Variants in IQCE observed in about 807,000 individuals in gnomAD.
The protein encoded by IQCE is IQ motif containing E.
A neutral mutation model predicts 96.0 loss-of-function variants in IQCE; 115 were observed. The ratio of observed to expected loss-of-function variants is 1.20; its 90% CI spans 1.03 to 1.40. IQCE has a LOEUF of 1.40. Among genes scored for constraint, IQCE ranks in the 40% most tolerant of loss-of-function variants. The pLI is 0.00. For synonymous variants in IQCE, 412 were observed against 371.2 expected, an observed-to-expected ratio of 1.11 and a Z score of -1.26; for missense variants, 1,041 against 909.1, an observed-to-expected ratio of 1.15 and a Z score of -1.87.
chr7:2,606,986 G>A (rs745725723), intron 20 of IQCE, 138 bp from the exon 21 acceptor site: 21 of 744,034 alleles, frequency 2.8e-5, no homozygotes, highest in African/African-American at 1.8e-4. Context: ...AGCGCTGGTC[G>A]TGGGGCTCGG....
At chr7:2,600,338 CCT>C (rs1784350653) in intron 17 of IQCE, among the ~76,000 whole-genome samples, 5 of 152,210 alleles carry the variant, frequency 3.3e-5, no homozygotes, top group Admixed American at 2.0e-4. Flanking sequence ...CAGGCCGGCC[CCT>C]GTTTGTGTTT....
rs2293407 is a variant in IQCE, at chr7:2,605,918, A to G, written c.1786A>G (p.Thr596Ala). The G allele has an allele frequency of 0.32, 507,116 of 1,607,206 alleles. 83,438 individuals carry two copies. Among genetic ancestry groups the G allele is most frequent in the East Asian group, 0.54 (24,024 of 44,296 alleles). ...PRVPSPIAQA[T>A]GSPVQEEAIV... ...CGTTCCGAGCCCCATCGCCCAGGCC[A>G]CGGGCAGCCCTGTGCAGGAGGAGGC... is the stretch of plus-strand genomic sequence containing the variant. Residue 596 changes from threonine to alanine, a missense_variant, in exon 20 of 22, where the codon ACG becomes GCG. Transcript: ENST00000402050.
chr7:2,578,592 G>C (rs1052323734), intron 8 of IQCE, 66 bp downstream of exon 8: 6 of 1,559,396 alleles, frequency 3.8e-6, no homozygotes, highest in Non-Finnish European at 5.3e-6. Context: ...AGCCACAGAG[G>C]GACGCCTTTC....
At chr7:2,590,205 G>C in intron 14 of IQCE, 99 bp downstream of exon 14, 1 of 1,017,574 alleles carries the variant, frequency 9.8e-7, no homozygotes, top group Non-Finnish European at 1.4e-6. Flanking sequence ...ACAGGCACAG[G>C]TGCTGCAGAG....
Position 2,578,253 on chromosome 7 carries a change from G to A in IQCE, c.477G>A (p.Val159=). 2 of 1,612,866 alleles carry A rather than the reference G, an allele frequency of 1.2e-6. No individual in the cohort carries two copies. Among genetic ancestry groups the A allele is most frequent in the Admixed American group, 1.7e-5 (1 of 60,014 alleles). Residue 159 remains valine (V), a synonymous_variant, in exon 7 of 22, where the codon GTG becomes GTA. Coordinates refer to ENST00000402050, the MANE Select transcript of IQCE (RefSeq NM_152558.5). ...EIIELKKSLH[V]QKSDVDLMRT... is the part of the protein sequence containing the mutation. ...CTTGTTTTCTTCAGTCATTGCACGT[G>A]CAGAAGAGCGACGTGGACCTGATGA...
intron 12 of IQCE, among the ~76,000 whole-genome samples, chr7:2,586,592 A>G (rs1783136860): frequency 2.0e-5 from 3 of 152,338 alleles, no homozygotes; most frequent in African/African-American, 2.4e-5. Context: ...GGAGGAGACA[A>G]TGCTGTGGGA....
intron 8 of IQCE, among the ~76,000 whole-genome samples, chr7:2,580,580 C>T (rs866917698): frequency 5.3e-5 from 8 of 152,162 alleles, no homozygotes; most frequent in Middle Eastern, 3.4e-3. Flanking sequence ...CCACTGCACT[C>T]CAGCCTGGGC....
At chr7:2,589,373 A>G (rs1362526000) in intron 13 of IQCE, among the ~76,000 whole-genome samples, 4 of 152,136 alleles carry the variant, frequency 2.6e-5, no homozygotes, top group Non-Finnish European at 5.9e-5. Context: ...AAAAAAGAAG[A>G]AAAGGTTCTA....
At chr7:2,606,023 GAC>G in intron 20 of IQCE, 26 bp downstream of exon 20, 3 of 1,593,042 alleles carry the variant, frequency 1.9e-6, no homozygotes, top group Non-Finnish European at 1.7e-6. Context: ...GGGGACGTGG[GAC>G]ACAGACATGG....
chr7:2,607,245 G>A lies in IQCE; in HGVS notation c.1969+18G>A. ...TCTTCCTGGTAATTTCATTCATTTG[G>A]ATTCTGGCACCAGGGCAGCTGGTCT... On this transcript the variant is annotated intron_variant, in intron 21 of 21. Coordinates refer to ENST00000402050, the MANE Select transcript of IQCE (RefSeq NM_152558.5). 6.2e-7 allele frequency: 1 copy of A among 1,613,582 alleles called. No homozygotes were observed.
intron 16 of IQCE, among the ~76,000 whole-genome samples, 186 bp downstream of exon 16, chr7:2,595,162 A>T (rs1026737540): frequency 6.6e-6 from 1 of 152,172 alleles, no homozygotes; most frequent in Non-Finnish European, 1.5e-5. Context: ...GGATTAATTG[A>T]CTGTCAGCAA....
rs1196208387 is a variant in IQCE, at chr7:2,614,419, C to T, written c.*4257C>T. 2 of 152,224 alleles carry T rather than the reference C, an allele frequency of 1.3e-5. No individual in the cohort carries two copies. Among genetic ancestry groups the T allele is most frequent in the African/African-American group, 2.4e-5 (1 of 41,458 alleles). The allele number at this position is 152,224 out of a possible 1,614,324, so 9.4% of individuals were successfully genotyped here. ...CAGCTATTTCTCAAGGCTCCCACCT[C>T]GCCAAGCTCCCAAGGGCCTGCTGGC... is the stretch of plus-strand genomic sequence containing the variant. On this transcript the variant is annotated 3_prime_UTR_variant, in exon 22 of 22. Transcript: ENST00000402050.
intron 8 of IQCE, among the ~76,000 whole-genome samples, chr7:2,580,462 AT>A: frequency 6.6e-6 from 1 of 152,186 alleles, no homozygotes; most frequent in African/African-American, 2.4e-5. Flanking sequence ...ATACAAAAAA[AT>A]TAGCCAGGTA....
intron 16 of IQCE, chr7:2,597,216 C>G: frequency 2.2e-6 from 1 of 444,516 alleles, no homozygotes; most frequent in South Asian, 1.6e-5. Context: ...TGGTCTTCAG[C>G]TGTCCCGCAC....
At position 2,605,875 on chromosome 7, in the gene IQCE, G is replaced by T; in HGVS notation, c.1744-1G>T. The T allele has an allele frequency of 2.5e-6, 4 of 1,594,884 alleles. No individual in the cohort carries two copies. Among genetic ancestry groups the T allele is most frequent in the Non-Finnish European group, 3.4e-6 (4 of 1,171,932 alleles). ...TCTTCCCTGCTGTCCTTGCACCCCA[G>T]AGCTCTCCTGTGCCCCGCGTTCCGA... On this transcript the variant is annotated splice_acceptor_variant, in intron 19 of 21. Coordinates refer to ENST00000402050, the MANE Select transcript of IQCE (RefSeq NM_152558.5). LOFTEE classifies it high-confidence loss of function.
intron 16 of IQCE, among the ~76,000 whole-genome samples, chr7:2,596,581 A>G (rs1347054292): frequency 1.3e-5 from 2 of 152,218 alleles, no homozygotes; most frequent in African/African-American, 2.4e-5. Context: ...TCACATGGGA[A>G]TGATTAATTG....
chr7:2,599,055 T>C (rs1421203576), intron 17 of IQCE, among the ~76,000 whole-genome samples: 1 of 152,208 alleles, frequency 6.6e-6, no homozygotes, highest in East Asian at 1.9e-4. Context: ...CCGCTATCTG[T>C]TTCCCGCCAG....
At chr7:2,579,586 G>C (rs1266925037) in intron 8 of IQCE, among the ~76,000 whole-genome samples, 1 of 152,182 alleles carries the variant, frequency 6.6e-6, no homozygotes, top group South Asian at 2.1e-4. Context: ...GTTTAAAGTA[G>C]ATGGTGAAAG....
In IQCE at chr7:2,601,764, G is replaced by A. The variant is rs1028551087; in HGVS notation, c.1632+300G>A. 2.4e-5 allele frequency: 8 copies of A among 340,184 alleles called. No homozygotes were observed. In the Admixed American group the frequency reaches 3.4e-4, roughly 15 times the overall value. The allele number at this position is 340,184 out of a possible 1,614,324, so 21.1% of individuals were successfully genotyped here. A position where few individuals can be genotyped will look rare whatever the true frequency, so the allele number is the denominator to read the frequency against. ...GGGGTTTCTCCGTGTTGGCCAGGAT[G>A]GTCTCCAACTCCTGACCTTAGGTGA... On this transcript the variant is annotated intron_variant, in intron 18 of 21. Coordinates refer to ENST00000402050, the MANE Select transcript of IQCE (RefSeq NM_152558.5).
Sources: gnomAD v4.1 joint callset for allele counts (sites outside exome capture counted in the v4.1 genomes callset) on GRCh38, gnomAD v4.1.1 for gene constraint, MANE v1.5 for transcripts, NCBI Gene and HGNC (gene_info 2026-07-23, HGNC 2026-07-21) for gene names.